The following TAFA1 variants were observed in gnomAD, a reference collection of about 807,000 sequenced individuals.
TAFA1 encodes TAFA chemokine like family member 1, also known as chemokine-like protein TAFA-1.
Under a neutral mutation model 18.5 loss-of-function variants are expected in TAFA1, and 4 were observed. The ratio of observed to expected loss-of-function variants is 0.22; its 90% confidence interval spans 0.11 to 0.49. The LOEUF is 0.49. Ranked by LOEUF, TAFA1 falls within the 20% of genes least tolerant of loss-of-function variation. The pLI is 0.98. For missense variants in TAFA1, 147 were observed against 169.0 expected (o/e 0.87, Z 0.72); for synonymous variants, 56 against 55.2 (o/e 1.01, Z -0.06).
At chr3:68,267,183 A>G (rs996608304) in intron 2 of TAFA1, among the ~76,000 whole-genome samples, 5 of 152,184 alleles carry the variant, frequency 3.3e-5, no homozygotes, top group South Asian at 4.1e-4. Flanking sequence ...AATTAGCCTC[A>G]TCTAATCATT....
chr3:68,340,498 G>A (rs1034515266), intron 2 of TAFA1, among the ~76,000 whole-genome samples: 12 of 152,224 alleles, frequency 7.9e-5, no homozygotes, highest in African/African-American at 2.2e-4. Context: ...GAAGGAATGA[G>A]ACTGGGTAAA....
intron 3 of TAFA1, among the ~76,000 whole-genome samples, chr3:68,454,260 C>A (rs543114264): frequency 6.6e-6 from 1 of 152,180 alleles, no homozygotes; most frequent in Non-Finnish European, 1.5e-5. Context: ...TCTTTGAATT[C>A]TTCTTCCTTT....
intron 2 of TAFA1, among the ~76,000 whole-genome samples, chr3:68,310,149 C>T (rs543851741): frequency 9.2e-5 from 14 of 151,986 alleles, no homozygotes; most frequent in South Asian, 4.2e-4. Context: ...TTAGATGTTA[C>T]GTAAAAATTT....
intron 2 of TAFA1, among the ~76,000 whole-genome samples, chr3:68,154,473 T>C (rs1019075840): frequency 5.3e-5 from 8 of 152,210 alleles, no homozygotes. Context: ...TAGATTATAG[T>C]AAAATCTAGG....
chr3:68,373,717 T>C (rs1327177891), intron 2 of TAFA1, among the ~76,000 whole-genome samples: 2 of 152,190 alleles, frequency 1.3e-5, no homozygotes, highest in Non-Finnish European at 2.9e-5. Context: ...TCATTTTACA[T>C]CAAGATACGA....
At chr3:68,082,019 G>A (rs1038486462) in intron 2 of TAFA1, among the ~76,000 whole-genome samples, 31 of 152,276 alleles carry the variant, frequency 2.0e-4, no homozygotes, top group East Asian at 5.8e-4. Context: ...CTCGTGGTGC[G>A]CTGTTTTTTA....
chr3:68,069,534 C>T (rs369942230), intron 2 of TAFA1, among the ~76,000 whole-genome samples: 8 of 152,142 alleles, frequency 5.3e-5, no homozygotes, highest in African/African-American at 1.4e-4. Flanking sequence ...TATCATTCCA[C>T]CCCTCACCCC....
At chr3:68,030,658 C>A (rs1478688967) in intron 2 of TAFA1, among the ~76,000 whole-genome samples, 3 of 152,106 alleles carry the variant, frequency 2.0e-5, no homozygotes, top group Non-Finnish European at 4.4e-5. Context: ...TTTACCCAGT[C>A]TATCATTGGT....
At chr3:68,339,146 A>G (rs990307222) in intron 2 of TAFA1, among the ~76,000 whole-genome samples, 9 of 152,248 alleles carry the variant, frequency 5.9e-5, no homozygotes, top group African/African-American at 2.2e-4. Context: ...TGCTGAGAGC[A>G]GGGTAGGTAT....
At chr3:68,060,451 C>T (rs1349848246) in intron 2 of TAFA1, among the ~76,000 whole-genome samples, 1 of 152,124 alleles carries the variant, frequency 6.6e-6, no homozygotes, top group African/African-American at 2.4e-5. Flanking sequence ...TTTTAAAGAA[C>T]ATTGTTTTAG....
At chr3:68,374,778 T>A (rs1292132466) in intron 2 of TAFA1, among the ~76,000 whole-genome samples, 1 of 152,214 alleles carries the variant, frequency 6.6e-6, no homozygotes, top group African/African-American at 2.4e-5. Flanking sequence ...TTATGCTTTC[T>A]TGTGAGATGA....
Position 68,134,073 on chromosome 3 carries a change from AAAAAAAAAAACAATGAG to A in TAFA1, c.118+127346_118+127362del, listed in dbSNP as rs1425684513. Among the ~76,000 whole-genome samples the A allele has an allele frequency of 1.1e-4, 15 of 135,704 alleles. No homozygotes were observed. The East Asian group carries it at 2.7e-3, about 24-fold the overall frequency. The allele number at this position is 135,704 out of a possible 152,430, so 89.0% of individuals were successfully genotyped here. A position where few individuals can be genotyped will look rare whatever the true frequency, so the allele number is the denominator to read the frequency against. ...ACAAGTGTGATGACAACTGGAAAAAAAAAAAAAAAACAATGAGAAAAAAAAAACAATGATTGATTCAT... is the reference window on the plus strand; with the variant it reads ...ACAAGTGTGATGACAACTGGAAAAAAAAAAAAAAAACAATGATTGATTCAT... On this transcript the variant is annotated intron_variant, in intron 2 of 4. Coordinates refer to ENST00000478136, the MANE Select transcript of TAFA1 (RefSeq NM_213609.4).
intron 2 of TAFA1, among the ~76,000 whole-genome samples, chr3:68,057,924 C>A (rs1281008544): frequency 1.3e-5 from 2 of 152,188 alleles, no homozygotes; most frequent in Non-Finnish European, 2.9e-5. Flanking sequence ...AGAAGGAGTG[C>A]AGCCCTGCTG....
chr3:68,024,975 G>A (rs905816640), intron 2 of TAFA1, among the ~76,000 whole-genome samples: 1 of 152,140 alleles, frequency 6.6e-6, no homozygotes, highest in African/African-American at 2.4e-5. Flanking sequence ...TTGATTCACT[G>A]GTTGGATTTT....
chr3:68,315,279 CAT>C (rs758070205), intron 2 of TAFA1, among the ~76,000 whole-genome samples: 74 of 152,120 alleles, frequency 4.9e-4, no homozygotes, highest in Non-Finnish European at 9.3e-4. Flanking sequence ...TTGTCCGAGA[CAT>C]GCTTAGTTAC....
At chr3:68,150,786 GA>G (rs914749478) in intron 2 of TAFA1, among the ~76,000 whole-genome samples, 22 of 150,880 alleles carry the variant, frequency 1.5e-4, no homozygotes, top group African/African-American at 3.9e-4. Context: ...TTTCTTTTCA[GA>G]AAAAAAAATT....
intron 2 of TAFA1, among the ~76,000 whole-genome samples, chr3:68,103,920 G>A (rs2065177117): frequency 6.6e-6 from 1 of 152,086 alleles, no homozygotes; most frequent in Non-Finnish European, 1.5e-5. Flanking sequence ...TACCTATGAA[G>A]GTAGCATCAG....
At position 68,163,486 on chromosome 3, in the gene TAFA1, C is replaced by A. The variant is rs142918316; in HGVS notation, c.118+156742C>A. On this transcript the variant is annotated intron_variant, in intron 2 of 4. Coordinates refer to ENST00000478136, the MANE Select transcript of TAFA1 (RefSeq NM_213609.4). ...AGAAAAGTAGAGTAAAGGCTGAGTC[C>A]ACCCTTAAGTCAAGACTTCAACCTT... Among the ~76,000 whole-genome samples the A allele has an allele frequency of 1.6e-4, 25 of 152,266 alleles. No individual in the cohort carries two copies. The East Asian group carries it at 4.8e-3, about 29-fold the overall frequency.
chr3:68,046,945 G>A (rs1198521099), intron 2 of TAFA1, among the ~76,000 whole-genome samples: 5 of 152,184 alleles, frequency 3.3e-5, no homozygotes, highest in Non-Finnish European at 7.3e-5. Context: ...AAAAAACCAA[G>A]TATGTACCTC....
Sources: allele counts gnomAD v4.1 joint callset (sites outside exome capture counted in the v4.1 genomes callset), GRCh38; gene constraint gnomAD v4.1.1; transcripts MANE v1.5; gene names NCBI Gene and HGNC (gene_info 2026-07-23, HGNC 2026-07-21).